The following CPVL variants were observed in gnomAD, a reference collection of about 807,000 sequenced individuals.
The protein encoded by CPVL is probable serine carboxypeptidase CPVL.
A neutral mutation model predicts 63.7 loss-of-function variants in CPVL; 51 were observed. The observed-to-expected ratio is 0.80, with a 90% CI of 0.64 to 1.01. The LOEUF (loss-of-function observed/expected upper bound fraction) is 1.01, where lower values mean the gene tolerates loss of function less well. Ranked by LOEUF, CPVL falls within the 50% of genes least tolerant of loss-of-function variation. CPVL has a pLI of 0.00. For missense variants in CPVL, 530 were observed against 573.1 expected (o/e 0.92, Z 0.77); for synonymous variants, 195 against 206.0 (o/e 0.95, Z 0.46).
At chr7:29,012,470 A>G (rs2128135749) in intron 12 of CPVL, 1 of 152,344 alleles carries the variant, frequency 6.6e-6, no homozygotes, top group Middle Eastern at 3.4e-3. Context: ...CCAGTGATCT[A>G]TCAATAATTA....
At position 29,060,909 on chromosome 7, in the gene CPVL, C is replaced by T. The variant is rs575396295; in HGVS notation, c.1137+3152G>A. ...AGCCAACCTAGGTTGTTCTGATTCC[C>T]GTTCTGAACACTGAGGTTCAACATC... On this transcript the variant is annotated intron_variant, in intron 11 of 12. Coordinates refer to ENST00000265394, the MANE Select transcript of CPVL (RefSeq NM_031311.5). 2.0e-4 allele frequency among the ~76,000 whole-genome samples: 30 copies of T among 152,260 alleles called. 1 individual carries two copies. The highest frequency in any genetic ancestry group is 6.7e-4 in the African/African-American group (28 of 41,546).
chr7:29,014,595 A>G (rs1470009094), intron 12 of CPVL, among the ~76,000 whole-genome samples: 1 of 151,658 alleles, frequency 6.6e-6, no homozygotes, highest in Non-Finnish European at 1.5e-5. Context: ...TCCCACCTCA[A>G]CCTCCCAAAG....
chr7:29,007,378 AT>A (rs1232797042), intron 12 of CPVL, among the ~76,000 whole-genome samples: 7 of 149,674 alleles, frequency 4.7e-5, no homozygotes, highest in Non-Finnish European at 1.0e-4. Flanking sequence ...TCAGAGTCAA[AT>A]TGGGAGTTGC....
At chr7:29,194,649 C>G (rs1783386821) in intron 1 of CPVL, 1 of 322,458 alleles carries the variant, frequency 3.1e-6, no homozygotes, top group Admixed American at 5.1e-5. Context: ...CGAGATCCGC[C>G]CGTCCCGGCT....
At chr7:29,143,091 C>T (rs1350250530) in intron 1 of CPVL, among the ~76,000 whole-genome samples, 1 of 152,178 alleles carries the variant, frequency 6.6e-6, no homozygotes, top group Non-Finnish European at 1.5e-5. Context: ...TCCTCCCATG[C>T]CTTCAATGGC....
chr7:29,095,134 T>G lies in CPVL; in HGVS notation c.412A>C (p.Arg138=). Residue 138 remains arginine, a synonymous_variant, in exon 5 of 13, where the codon AGA becomes CGA. Transcript: ENST00000265394. ...VVTSNMTLRD[R]DFPWTTTLSM... ...AGCGTTGTGGTCCAGGGGAAGTCTC[T>G]GTCACGCACTGTGAAAACAAAGAAG... The G allele has an allele frequency of 6.2e-7, 1 of 1,613,694 alleles. No homozygotes were observed. Among genetic ancestry groups the G allele is most frequent in the Non-Finnish European group, 8.5e-7 (1 of 1,179,662 alleles).
chr7:28,996,632 C>CT (rs1422925736), intron 12 of CPVL, among the ~76,000 whole-genome samples: 5 of 150,998 alleles, frequency 3.3e-5, no homozygotes, highest in Admixed American at 2.0e-4. Context: ...TTAGAACATT[C>CT]TTTTTTTTCC....
chr7:29,087,154 G>T (rs542005417), intron 6 of CPVL, among the ~76,000 whole-genome samples: 2 of 152,132 alleles, frequency 1.3e-5, no homozygotes, highest in African/African-American at 4.8e-5. Context: ...CGGCCAGGGC[G>T]GTGGCTCATG....
chr7:29,142,036 A>C (rs1225078670), intron 1 of CPVL, among the ~76,000 whole-genome samples: 1 of 152,172 alleles, frequency 6.6e-6, no homozygotes, highest in Admixed American at 6.5e-5. Flanking sequence ...GTCCTAGATA[A>C]AAAAATTTAT....
intron 6 of CPVL, among the ~76,000 whole-genome samples, chr7:29,089,857 A>G (rs2128602311): frequency 7.0e-6 from 1 of 143,408 alleles, no homozygotes; most frequent in East Asian, 2.0e-4. Context: ...TCACCATTGA[A>G]TTCTTTTTTT....
intron 12 of CPVL, among the ~76,000 whole-genome samples, chr7:29,028,700 C>T (rs1314076733): frequency 6.6e-6 from 1 of 151,494 alleles, no homozygotes; most frequent in Non-Finnish European, 1.5e-5. Flanking sequence ...CGTGGTGGCT[C>T]AAGCCTGTAA....
At chr7:29,117,904 A>G (rs1298080699) in intron 2 of CPVL, among the ~76,000 whole-genome samples, 1 of 152,218 alleles carries the variant, frequency 6.6e-6, no homozygotes, top group Non-Finnish European at 1.5e-5. Context: ...TTAGCTACTT[A>G]TTATTTTTAC....
chr7:29,195,087 C>A, exon 1 of CPVL: 1 of 1,321,792 alleles, frequency 7.6e-7, no homozygotes, highest in Admixed American at 2.3e-5. Context: ...CTGTGGCCAT[C>A]CCGCCCGCTC....
At chr7:29,062,437 CTAGT>C (rs374009839) in intron 11 of CPVL, among the ~76,000 whole-genome samples, 7 of 152,312 alleles carry the variant, frequency 4.6e-5, no homozygotes, top group African/African-American at 1.4e-4. Flanking sequence ...CTGGCCTGAC[CTAGT>C]TAGACTCTTT....
chr7:29,093,975 A>T (rs1402871660), intron 5 of CPVL, among the ~76,000 whole-genome samples: 1 of 152,232 alleles, frequency 6.6e-6, no homozygotes, highest in Non-Finnish European at 1.5e-5. Context: ...ACCTTAATAG[A>T]ACCAATATCA....
At chr7:29,123,628 A>AAAAAAT (rs1562780901) in intron 1 of CPVL, among the ~76,000 whole-genome samples, 8 of 41,756 alleles carry the variant, frequency 1.9e-4, no homozygotes, top group Non-Finnish European at 3.2e-4. Context: ...AAAAAAAAAA[A>AAAAAAT]ATATATATAT....
intron 12 of CPVL, chr7:29,009,667 T>C (rs1322387697): frequency 1.3e-5 from 2 of 152,176 alleles, no homozygotes; most frequent in African/African-American, 2.4e-5. Flanking sequence ...TTCTTTTCTA[T>C]AAAATTAAAC....
intron 7 of CPVL, among the ~76,000 whole-genome samples, chr7:29,079,179 A>G (rs1784476655): frequency 6.6e-6 from 1 of 152,204 alleles, no homozygotes; most frequent in African/African-American, 2.4e-5. Flanking sequence ...TGTTTGTGTA[A>G]GGTTAATAAC....
At chr7:29,069,540 T>C (rs185889830) in intron 9 of CPVL, among the ~76,000 whole-genome samples, 3 of 151,834 alleles carry the variant, frequency 2.0e-5, no homozygotes, top group South Asian at 4.2e-4. Flanking sequence ...CAGAAAATCA[T>C]CATGGAAAGG....
Sources: gnomAD v4.1 joint callset for allele counts (sites outside exome capture counted in the v4.1 genomes callset) on GRCh38, gnomAD v4.1.1 for gene constraint, MANE v1.5 for transcripts, NCBI Gene and HGNC (gene_info 2026-07-23, HGNC 2026-07-21) for gene names.